Variants in ABCG1 observed in about 807,000 individuals in gnomAD.
ABCG1 encodes the protein ATP binding cassette subfamily G member 1, also known as ATP-binding cassette sub-family G member 1.
A neutral mutation model predicts 69.2 loss-of-function variants in ABCG1; 29 were observed. The observed-to-expected ratio is 0.42, with a 90% CI of 0.31 to 0.57. The LOEUF (loss-of-function observed/expected upper bound fraction) is 0.57. Ranked by LOEUF, ABCG1 falls within the 20% of genes least tolerant of loss-of-function variation. The pLI is 0.15. For synonymous variants in ABCG1, 370 were observed against 374.8 expected, an observed-to-expected ratio of 0.99 and a Z score of 0.15; for missense variants, 718 against 898.1, an observed-to-expected ratio of 0.80 and a Z score of 2.56.
At chr21:42,295,620 GA>G (rs2146362988) in intron 14 of ABCG1, among the ~76,000 whole-genome samples, 1 of 152,330 alleles carries the variant, frequency 6.6e-6, no homozygotes, top group Admixed American at 6.5e-5. Flanking sequence ...TGTCAGTTCA[GA>G]CTTAGGTATA....
intron 5 of ABCG1, among the ~76,000 whole-genome samples, chr21:42,280,398 C>T (rs995894581): frequency 6.6e-6 from 1 of 152,228 alleles, no homozygotes; most frequent in Non-Finnish European, 1.5e-5. Context: ...AGCCCTCCAG[C>T]AAGGCCACTT....
At chr21:42,220,311 C>A (rs539080821) in intron 1 of ABCG1, among the ~76,000 whole-genome samples, 1 of 152,198 alleles carries the variant, frequency 6.6e-6, no homozygotes, top group African/African-American at 2.4e-5. Context: ...TGGCACGCTC[C>A]GGGGCTCACC....
At chr21:42,232,383 G>C (rs950840046) in intron 2 of ABCG1, among the ~76,000 whole-genome samples, 13 of 152,226 alleles carry the variant, frequency 8.5e-5, no homozygotes, top group African/African-American at 3.1e-4. Flanking sequence ...TGACTCCTTA[G>C]TGTGGCGTTG....
chr21:42,267,991 C>A (rs1344922216), intron 2 of ABCG1, among the ~76,000 whole-genome samples: 1 of 151,890 alleles, frequency 6.6e-6, no homozygotes. Context: ...TCTGGTCTGG[C>A]CTGGGTTGTG....
At chr21:42,259,272 C>G in intron 2 of ABCG1, 2 of 1,508,970 alleles carry the variant, frequency 1.3e-6, no homozygotes, top group African/African-American at 1.4e-5. Flanking sequence ...GAGACCAGAT[C>G]TGTGCTCTGC....
At position 42,294,676 on chromosome 21, in the gene ABCG1, C is replaced by T; in HGVS notation, c.1772+16C>T. On this transcript the variant is annotated intron_variant, in intron 14 of 14. Transcript: ENST00000398449. ...CCTATGTCAGGTAGCGGGCGTGGGG[C>T]ACGCATGGCGTGGGGACCGAGGGTG... 10 of 1,608,014 alleles carry T rather than the reference C, an allele frequency of 6.2e-6. 1 individual carries two copies. Among genetic ancestry groups the T allele is most frequent in the Non-Finnish European group, 8.5e-6 (10 of 1,174,458 alleles).
In ABCG1 at chr21:42,225,708, A is replaced by G. The variant is rs374760060; in HGVS notation, c.80A>G (p.Lys27Arg). Residue 27 changes from lysine (K) to arginine (R), a missense_variant, in exon 2 of 15, where the codon AAG becomes AGG. Coordinates refer to ENST00000398449, the MANE Select transcript of ABCG1 (RefSeq NM_016818.3). ...SSYSAEMTEP[K>R]SVCVSVDEVV... ...TACTCTGCAGAGATGACGGAGCCCA[A>G]GTCGGTGTGTGTCTCGGTGGATGAG... The G allele has an allele frequency of 1.9e-6, 3 of 1,612,990 alleles. No individual in the cohort carries two copies. Among genetic ancestry groups the G allele is most frequent in the Non-Finnish European group, 2.5e-6 (3 of 1,179,806 alleles).
intron 2 of ABCG1, among the ~76,000 whole-genome samples, chr21:42,234,799 G>A (rs1165443799): frequency 6.6e-6 from 1 of 151,830 alleles, no homozygotes; most frequent in Non-Finnish European, 1.5e-5. Context: ...CGCTGCCGGA[G>A]CCCCTCGCGC....
intron 2 of ABCG1, among the ~76,000 whole-genome samples, chr21:42,260,970 A>ATGT (rs1569224337): frequency 7.0e-4 from 106 of 151,986 alleles, no homozygotes; most frequent in African/African-American, 2.4e-3. Flanking sequence ...TACAGGCGCC[A>ATGT]GCCACCACAC....
rs1230392604 is a variant in ABCG1, at chr21:42,291,565, G to A, written c.1562G>A (p.Arg521His). 1.2e-5 allele frequency: 20 copies of A among 1,613,384 alleles called. No individual in the cohort carries two copies. Among genetic ancestry groups the A allele is most frequent in the Non-Finnish European group, 1.6e-5 (19 of 1,179,918 alleles). ...ACGTCGCAGCCGTCCGACGCCGTGC[G>A]CTTTGTGCTGTTTGCCGCGCTGGGC... Reference protein sequence around the residue: ...WMTSQPSDAVRFVLFAALGTM... With the variant: ...WMTSQPSDAVHFVLFAALGTM... Residue 521 changes from arginine to histidine, a missense_variant, in exon 13 of 15, where the codon CGC becomes CAC. This residue lies in a region of ABCG1 where 204 missense variants were observed against 323.8 expected (regional missense o/e 0.63). Coordinates refer to ENST00000398449, the MANE Select transcript of ABCG1 (RefSeq NM_016818.3). The surrounding 1 kb of genome is among the most constrained non-coding windows in gnomAD (Gnocchi z 6.4).
intron 2 of ABCG1, among the ~76,000 whole-genome samples, chr21:42,202,326 T>C (rs2067512675): frequency 6.6e-6 from 1 of 152,128 alleles, no homozygotes; most frequent in Non-Finnish European, 1.5e-5. Context: ...AAACCTAGGG[T>C]TGAAGATCTC....
At chr21:42,209,758 C>T (rs915341761) in intron 2 of ABCG1, among the ~76,000 whole-genome samples, 3 of 152,220 alleles carry the variant, frequency 2.0e-5, no homozygotes, top group Non-Finnish European at 2.9e-5. Context: ...AAGATGCACA[C>T]TATGTGCCGG....
intron 2 of ABCG1, among the ~76,000 whole-genome samples, chr21:42,242,223 G>A (rs2068062309): frequency 6.6e-6 from 1 of 152,206 alleles, no homozygotes; most frequent in African/African-American, 2.4e-5. Context: ...TATACAATGG[G>A]CCTGGCACAG....
chr21:42,254,357 C>T (rs942536948), intron 2 of ABCG1, among the ~76,000 whole-genome samples: 1 of 152,210 alleles, frequency 6.6e-6, no homozygotes, highest in African/African-American at 2.4e-5. Flanking sequence ...CCAGAGTGGG[C>T]TTCCTGCCCC....
upstream of ABCG1, among the ~76,000 whole-genome samples, chr21:42,212,820 A>C (rs2067601925): frequency 6.6e-6 from 1 of 150,918 alleles, no homozygotes; most frequent in Non-Finnish European, 1.5e-5. Flanking sequence ...CAGCCTCCCG[A>C]GTAGCTGGGG....
At chr21:42,274,260 G>C (rs2068669353) in intron 4 of ABCG1, among the ~76,000 whole-genome samples, 1 of 152,226 alleles carries the variant, frequency 6.6e-6, no homozygotes, top group Non-Finnish European at 1.5e-5. Context: ...CTTGGTCACT[G>C]TTTCTTTTCA....
At chr21:42,233,740 C>T (rs1234950295) in intron 2 of ABCG1, among the ~76,000 whole-genome samples, 1 of 152,244 alleles carries the variant, frequency 6.6e-6, no homozygotes, top group Non-Finnish European at 1.5e-5. Context: ...GGGAGGTGGG[C>T]ATCACTGCGG....
chr21:42,220,138 C>A, intron 1 of ABCG1: 2 of 1,119,200 alleles, frequency 1.8e-6, no homozygotes, highest in Non-Finnish European at 2.6e-6. Context: ...GGCCCCCAGC[C>A]ACCCACCTCA....
chr21:42,265,923 C>T (rs2068497318), intron 2 of ABCG1, among the ~76,000 whole-genome samples: 1 of 152,298 alleles, frequency 6.6e-6, no homozygotes, highest in East Asian at 1.9e-4. Context: ...AATCTATAGG[C>T]CTCCCCTTCC....
Sources: gnomAD v4.1 joint callset for allele counts (sites outside exome capture counted in the v4.1 genomes callset) on GRCh38, gnomAD v4.1.1 for gene constraint, gnomAD v4.1.1 regional missense constraint, Gnocchi (gnomAD v3.1) non-coding constraint, MANE v1.5 for transcripts, NCBI Gene and HGNC (gene_info 2026-07-23, HGNC 2026-07-21) for gene names.